Variants in TRIM29 observed in about 807,000 individuals in gnomAD.
The protein encoded by TRIM29 is tripartite motif containing 29.
A neutral mutation model predicts 57.3 loss-of-function variants in TRIM29; 52 were observed. The ratio of observed to expected loss-of-function variants is 0.91; its 90% CI spans 0.73 to 1.14. TRIM29 has a LOEUF of 1.14. TRIM29 is among the 50% of genes most tolerant of loss of function. The probability of loss-of-function intolerance (pLI) is 0.00; values close to 1 mark genes in which losing one functional copy is unlikely to be tolerated. For synonymous variants in TRIM29, 319 were observed against 316.9 expected (o/e 1.01, Z -0.07); for missense variants, 753 against 774.6 (o/e 0.97, Z 0.33).
At chr11:120,135,161 G>C (rs1244037148) in intron 1 of TRIM29, among the ~76,000 whole-genome samples, 1 of 152,154 alleles carries the variant, frequency 6.6e-6, no homozygotes, top group African/African-American at 2.4e-5. Flanking sequence ...GGGTGCCCAG[G>C]CTTAAGCAGA....
At chr11:120,118,097 C>G (rs1863323942) in intron 7 of TRIM29, 126 bp downstream of exon 7, 2 of 896,958 alleles carry the variant, frequency 2.2e-6, no homozygotes, top group African/African-American at 1.7e-5. Flanking sequence ...CCCGGGCTCT[C>G]AGGCCAGGCC....
chr11:120,120,362 C>G (rs1361271419), intron 6 of TRIM29, among the ~76,000 whole-genome samples: 1 of 149,148 alleles, frequency 6.7e-6, no homozygotes, highest in African/African-American at 2.5e-5. Context: ...CACACACACA[C>G]ACACACACAC....
intron 7 of TRIM29, chr11:120,116,972 AG>A: frequency 2.4e-6 from 1 of 424,286 alleles, no homozygotes; most frequent in Non-Finnish European, 4.7e-6. Flanking sequence ...GATTATTTTT[AG>A]ACAGCCCACT....
chr11:120,133,007 A>G (rs1226981282), intron 1 of TRIM29, among the ~76,000 whole-genome samples: 2 of 152,072 alleles, frequency 1.3e-5, no homozygotes, highest in African/African-American at 4.8e-5. Context: ...CACCCCCCTC[A>G]GTCTCCTCCT....
intron 7 of TRIM29, 80 bp from the exon 8 acceptor site, chr11:120,115,494 T>A: frequency 8.3e-7 from 1 of 1,206,736 alleles, no homozygotes; most frequent in East Asian, 2.4e-5. Context: ...CACAGCTGCC[T>A]TCTCCAAAGT....
chr11:120,121,306 G>C (rs1365818497), intron 5 of TRIM29: 2 of 166,652 alleles, frequency 1.2e-5, no homozygotes, highest in Non-Finnish European at 2.6e-5. Context: ...ACTGAGCACA[G>C]GTTCCTGGAA....
chr11:120,127,801 C>T (rs1305697612), intron 2 of TRIM29, among the ~76,000 whole-genome samples: 1 of 152,118 alleles, frequency 6.6e-6, no homozygotes, highest in African/African-American at 2.4e-5. Context: ...CTACCTGTGG[C>T]TCCTTCCTCT....
chr11:120,118,031 A>C, intron 7 of TRIM29, 192 bp downstream of exon 7: 1 of 598,402 alleles, frequency 1.7e-6, no homozygotes, highest in South Asian at 2.0e-5. Flanking sequence ...GGAAACGCTG[A>C]TGTGGCCCAG....
chr11:120,117,249 T>C, intron 7 of TRIM29: 2 of 221,098 alleles, frequency 9.0e-6, no homozygotes, highest in Non-Finnish European at 1.8e-5. Context: ...CCAAGGCAAG[T>C]CCTGGAGCTC....
intron 6 of TRIM29, 80 bp from the exon 7 acceptor site, chr11:120,118,401 A>T: frequency 9.3e-7 from 1 of 1,077,766 alleles, no homozygotes; most frequent in East Asian, 2.6e-5. Context: ...AGCCAGGTCT[A>T]TGACTCTCTA....
At chr11:120,130,632 C>A (rs1343295055) in intron 1 of TRIM29, among the ~76,000 whole-genome samples, 1 of 152,208 alleles carries the variant, frequency 6.6e-6, no homozygotes, top group East Asian at 1.9e-4. Flanking sequence ...TCCAGGGAAG[C>A]TGTGGGATGC....
At chr11:120,135,655 ATCT>A (rs1372089521) in intron 1 of TRIM29, among the ~76,000 whole-genome samples, 1 of 152,168 alleles carries the variant, frequency 6.6e-6, no homozygotes, top group African/African-American at 2.4e-5. Context: ...AGCTGGAAAC[ATCT>A]TCTTCCTGGG....
In TRIM29 at chr11:120,128,470, T is replaced by G. The variant is rs1376478067; in HGVS notation, c.830A>C (p.Gln277Pro). 2.5e-6 allele frequency: 4 copies of G among 1,612,008 alleles called. No individual in the cohort carries two copies. Among genetic ancestry groups the G allele is most frequent in the East Asian group, 2.2e-5 (1 of 44,868 alleles). ...AATCTCAATGATCTTGAGCTGCAGC[T>G]GCTCCTTTTGCAATGACAGCTCCGT... The part of the protein sequence containing the change: ...KETELSLQKE[Q>P]LQLKIIEIED... Residue 277 changes from glutamine (Q) to proline (P), a missense_variant, in exon 2 of 9, where the codon CAG becomes CCG. Transcript: ENST00000341846.
intron 3 of TRIM29, chr11:120,126,426 T>C (rs979851376): frequency 6.5e-6 from 1 of 152,958 alleles, no homozygotes; most frequent in Non-Finnish European, 1.5e-5. Context: ...GTATTTTTAG[T>C]AGAGATGGGG....
Position 120,137,111 on chromosome 11 carries a change from A to C in TRIM29, c.804+117T>G, listed in dbSNP as rs1264366204. 2.7e-6 allele frequency: 3 copies of C among 1,118,212 alleles called. No individual in the cohort carries two copies. In the African/African-American group the frequency reaches 4.7e-5, roughly 17 times the overall value. 69.3% of individuals were successfully genotyped at this position (1,118,212 alleles called of 1,614,324 possible). A position where few individuals can be genotyped will look rare whatever the true frequency, so the allele number is the denominator to read the frequency against. On this transcript the variant is annotated intron_variant, in intron 1 of 8. Transcript: ENST00000341846. This position sits in a 1 kb window ranked among gnomAD's most constrained non-coding sequence, Gnocchi z 6.2. The stretch of plus-strand genomic sequence containing the variant: ...AAATAAATGTTTTCTAAAAGAGCCA[A>C]GGACAGTAGAAACTTAAGCCCCAAA...
chr11:120,136,157 A>G (rs894799973), intron 1 of TRIM29, among the ~76,000 whole-genome samples: 1 of 152,252 alleles, frequency 6.6e-6, no homozygotes, highest in Non-Finnish European at 1.5e-5. Flanking sequence ...CCACGTGCAC[A>G]TAAAATAAAC....
intron 1 of TRIM29, among the ~76,000 whole-genome samples, chr11:120,134,230 T>C (rs1863774594): frequency 6.6e-6 from 1 of 152,016 alleles, no homozygotes; most frequent in Non-Finnish European, 1.5e-5. Flanking sequence ...AAGCGATCTT[T>C]TTCTAACAGA....
Position 120,125,737 on chromosome 11 carries a change from C to T in TRIM29, c.1287G>A (p.Lys429=). 1 of 1,614,212 alleles carries T rather than the reference C, an allele frequency of 6.2e-7. No homozygotes were observed. Among genetic ancestry groups the T allele is most frequent in the Non-Finnish European group, 8.5e-7 (1 of 1,180,040 alleles). ...VCMRHVEKMC[K]ADLSRNFIER... is the part of the protein sequence containing the mutation. Reference sequence around the variant, plus strand: ...CAATGAAGTTACGGCTCAGGTCCGCCTTGCACATCTTCTCAACGTGGCGCA... The same window carrying T: ...CAATGAAGTTACGGCTCAGGTCCGCTTTGCACATCTTCTCAACGTGGCGCA... The change falls in exon 4 of 9, where the codon AAG becomes AAA. Residue 429 remains lysine, a synonymous_variant. Transcript: ENST00000341846.
intron 1 of TRIM29, among the ~76,000 whole-genome samples, chr11:120,133,715 C>T (rs919824119): frequency 3.9e-5 from 6 of 152,220 alleles, no homozygotes; most frequent in Admixed American, 2.6e-4. Flanking sequence ...CAAGGACCAG[C>T]GGCTGCCCAT....
Sources: gnomAD v4.1 joint callset for allele counts (sites outside exome capture counted in the v4.1 genomes callset) on GRCh38, gnomAD v4.1.1 for gene constraint, Gnocchi (gnomAD v3.1) non-coding constraint, MANE v1.5 for transcripts, NCBI Gene and HGNC (gene_info 2026-07-23, HGNC 2026-07-21) for gene names.